PDE3A: variants seen among roughly 807,000 people sequenced by gnomAD.
The protein encoded by PDE3A is phosphodiesterase 3A.
Under a neutral mutation model 98.3 loss-of-function variants are expected in PDE3A, and 43 were observed. The observed-to-expected ratio is 0.44, with a 90% CI of 0.34 to 0.56. PDE3A has a LOEUF of 0.56. Ranked by LOEUF, PDE3A falls within the 20% of genes least tolerant of loss-of-function variation. The pLI is 0.01. For missense variants in PDE3A, 1,427 were observed against 1,440.7 expected, an observed-to-expected ratio of 0.99 and a Z score of 0.15; for synonymous variants, 663 against 567.9, an observed-to-expected ratio of 1.17 and a Z score of -2.38.
chr12:20,470,113 A>T (rs1935706625), intron 1 of PDE3A, among the ~76,000 whole-genome samples: 1 of 151,914 alleles, frequency 6.6e-6, no homozygotes, highest in Non-Finnish European at 1.5e-5. Context: ...GTGTTAGCAA[A>T]ACTTGGATTG....
intron 1 of PDE3A, among the ~76,000 whole-genome samples, chr12:20,380,893 A>T (rs1437191404): frequency 6.6e-6 from 1 of 151,916 alleles, no homozygotes; most frequent in Non-Finnish European, 1.5e-5. Context: ...TACATTTTGC[A>T]AAACATTTTA....
At chr12:20,461,163 C>G (rs973413896) in intron 1 of PDE3A, among the ~76,000 whole-genome samples, 7 of 143,302 alleles carry the variant, frequency 4.9e-5, no homozygotes, top group Admixed American at 4.4e-4. Context: ...AGCTAGGATG[C>G]TTTCATGTCC....
At chr12:20,535,619 A>G (rs772903245) in intron 1 of PDE3A, among the ~76,000 whole-genome samples, 4 of 152,130 alleles carry the variant, frequency 2.6e-5, no homozygotes, top group African/African-American at 7.2e-5. Flanking sequence ...GGACTCAACC[A>G]CTAATAAAAA....
intron 1 of PDE3A, among the ~76,000 whole-genome samples, chr12:20,403,849 A>G (rs2120674346): frequency 6.6e-6 from 1 of 152,212 alleles, no homozygotes; most frequent in Non-Finnish European, 1.5e-5. Context: ...ATTTAGTTAT[A>G]TATAATACAT....
rs1337635266 is a variant in PDE3A at position 20,492,384 on chromosome 12, C to T, written c.961-64276C>T. Among the ~76,000 whole-genome samples the T allele has an allele frequency of 9.9e-5, 13 of 131,190 alleles. No homozygotes were observed. In the Admixed American group the frequency reaches 1.1e-3, roughly 11 times the overall value. 86.1% of individuals were successfully genotyped at this position (131,190 alleles called of 152,430 possible). ...AAGCACAGCACAGCCTCTGGAGCCA[C>T]AGTGTCTGGGTTCGAATCCTGTCTG... is the stretch of plus-strand genomic sequence containing the variant. On this transcript the variant is annotated intron_variant, in intron 1 of 15. Coordinates refer to ENST00000359062, the MANE Select transcript of PDE3A (RefSeq NM_000921.5).
chr12:20,592,396 A>G (rs116938617), intron 2 of PDE3A, among the ~76,000 whole-genome samples: 1 of 152,336 alleles, frequency 6.6e-6, no homozygotes, highest in Non-Finnish European at 1.5e-5. Context: ...CGAACACCAT[A>G]TCCAATCATT....
At chr12:20,386,162 T>A (rs867279246) in intron 1 of PDE3A, among the ~76,000 whole-genome samples, 11 of 87,936 alleles carry the variant, frequency 1.3e-4, no homozygotes, top group Non-Finnish European at 1.7e-4. Context: ...TAAATATATA[T>A]AAATATATAA....
intron 1 of PDE3A, among the ~76,000 whole-genome samples, chr12:20,402,582 T>G (rs1375479974): frequency 3.3e-5 from 5 of 152,194 alleles, no homozygotes; most frequent in African/African-American, 1.2e-4. Flanking sequence ...ATTTTTGTTT[T>G]TAAGTGTAAC....
intron 2 of PDE3A, among the ~76,000 whole-genome samples, chr12:20,608,839 A>G (rs1241933769): frequency 2.0e-5 from 3 of 152,024 alleles, no homozygotes; most frequent in East Asian, 1.9e-4. Context: ...AGAACTTTGT[A>G]GTTATTACTA....
At chr12:20,386,114 T>A (rs1397278287) in intron 1 of PDE3A, among the ~76,000 whole-genome samples, 1 of 53,666 alleles carries the variant, frequency 1.9e-5, no homozygotes, top group African/African-American at 6.5e-5. Flanking sequence ...TATATATAAA[T>A]ATATATAAAT....
At chr12:20,470,964 C>T (rs1279407152) in intron 1 of PDE3A, among the ~76,000 whole-genome samples, 1 of 151,978 alleles carries the variant, frequency 6.6e-6, no homozygotes, top group Admixed American at 6.6e-5. Flanking sequence ...TGTGAGGACA[C>T]AGTAAGAAGG....
chr12:20,372,438 G>A (rs535402995), intron 1 of PDE3A, among the ~76,000 whole-genome samples: 54 of 152,108 alleles, frequency 3.6e-4, no homozygotes, highest in South Asian at 3.3e-3. Flanking sequence ...CTGAAGACTG[G>A]TTTTTATATA....
intron 2 of PDE3A, among the ~76,000 whole-genome samples, chr12:20,566,021 T>C (rs546197488): frequency 3.9e-5 from 6 of 152,116 alleles, no homozygotes; most frequent in African/African-American, 1.2e-4. Context: ...TCCCACGTTA[T>C]GTAAAATTCA....
rs150732605 is a variant in PDE3A at position 20,436,239 on chromosome 12, AG to A, written c.960+65997del. Among the ~76,000 whole-genome samples the A allele has an allele frequency of 8.4e-3, 1,279 of 152,292 alleles. 23 individuals are homozygous for A. Among genetic ancestry groups the A allele is most frequent in the African/African-American group, 0.029 (1,214 of 41,554 alleles). The stretch of plus-strand genomic sequence containing the variant: ...CCCTGATCATTCCAAAAGACTCTTT[AG>A]GAAGTTACAGCTTCAATGACAGCAG... On this transcript the variant is annotated intron_variant, in intron 1 of 15. Coordinates refer to ENST00000359062, the MANE Select transcript of PDE3A (RefSeq NM_000921.5).
intron 8 of PDE3A, among the ~76,000 whole-genome samples, chr12:20,635,773 A>G (rs1260908451): frequency 6.7e-6 from 1 of 148,314 alleles, no homozygotes; most frequent in Non-Finnish European, 1.5e-5. Flanking sequence ...AAAAAAAAAG[A>G]AATTAATCTC....
At position 20,478,343 on chromosome 12, in the gene PDE3A, A is replaced by G. The variant is rs183867415; in HGVS notation, c.961-78317A>G. ...GTAATAGCTGCAGTTGTAATCAGGC[A>G]TACATAACCTAGGCAGCCATTTACA... is the stretch of plus-strand genomic sequence containing the variant. On this transcript the variant is annotated intron_variant, in intron 1 of 15. Coordinates refer to ENST00000359062, the MANE Select transcript of PDE3A (RefSeq NM_000921.5). Among the ~76,000 whole-genome samples the G allele has an allele frequency of 2.5e-4, 38 of 151,574 alleles. 1 individual carries two copies. The East Asian group carries it at 6.4e-3, about 25-fold the overall frequency.
intron 1 of PDE3A, among the ~76,000 whole-genome samples, chr12:20,450,860 G>A (rs1945051123): frequency 6.6e-6 from 1 of 152,206 alleles, no homozygotes; most frequent in Non-Finnish European, 1.5e-5. Flanking sequence ...ATAACAGCAA[G>A]TGGGCACCAA....
Position 20,476,194 on chromosome 12 carries a change from A to G in PDE3A, c.961-80466A>G, listed in dbSNP as rs140934547. Among the ~76,000 whole-genome samples the G allele has an allele frequency of 2.6e-3, 394 of 152,292 alleles. 4 individuals are homozygous for G. Among genetic ancestry groups the G allele is most frequent in the African/African-American group, 9.0e-3 (376 of 41,572 alleles). ...GAGGATTGTAGCAACATGTAGAAAAACAGGAGTAGAGCATTGCTATTATTG... is the reference window on the plus strand; with the variant it reads ...GAGGATTGTAGCAACATGTAGAAAAGCAGGAGTAGAGCATTGCTATTATTG... On this transcript the variant is annotated intron_variant, in intron 1 of 15. Transcript: ENST00000359062.
At chr12:20,425,181 A>AT (rs988139447) in intron 1 of PDE3A, among the ~76,000 whole-genome samples, 2 of 152,186 alleles carry the variant, frequency 1.3e-5, no homozygotes, top group Non-Finnish European at 2.9e-5. Context: ...GTGACCAATA[A>AT]TGTCTGGTGG....
Sources: allele counts gnomAD v4.1 joint callset (sites outside exome capture counted in the v4.1 genomes callset), GRCh38; gene constraint gnomAD v4.1.1; transcripts MANE v1.5; gene names NCBI Gene and HGNC (gene_info 2026-07-23, HGNC 2026-07-21).